DDX6: variants seen among roughly 807,000 people sequenced by gnomAD.
The protein encoded by DDX6 is DEAD-box helicase 6.
Under a neutral mutation model 60.6 loss-of-function variants are expected in DDX6, and 7 were observed. The ratio of observed to expected loss-of-function variants is 0.12; its 90% CI spans 0.07 to 0.22. The LOEUF (loss-of-function observed/expected upper bound fraction) is 0.22. Among genes scored for constraint, DDX6 ranks in the 10% least tolerant of loss-of-function variants. DDX6 has a pLI of 1.00. For synonymous variants in DDX6, 207 were observed against 201.0 expected (o/e 1.03, Z -0.25); for missense variants, 270 against 589.9 (o/e 0.46, Z 5.62).
intron 11 of DDX6, among the ~76,000 whole-genome samples, chr11:118,755,948 G>A (rs1193395292): frequency 2.0e-5 from 3 of 151,656 alleles, no homozygotes; most frequent in African/African-American, 2.4e-5. Context: ...AACCCAGGAG[G>A]TGGAGGTTTC....
At position 118,755,399 on chromosome 11, in the gene DDX6, C is replaced by T. The variant is rs1860932354; in HGVS notation, c.1276+3G>A. On this transcript the variant is annotated splice_donor_region_variant and intron_variant, in intron 12 of 13. Coordinates refer to ENST00000534980, the MANE Select transcript of DDX6 (RefSeq NM_004397.6). ...CCAAGAATATCACCTCTTTTTTCCT[C>T]ACCTGATCTTCCAATACGATGGAGA... 6.3e-7 allele frequency: 1 copy of T among 1,581,894 alleles called. No homozygotes were observed. The highest frequency in any genetic ancestry group is 2.2e-5 in the East Asian group (1 of 44,678).
rs1860758072 is a variant in DDX6, at chr11:118,751,250, T to A, written c.*855A>T. The A allele has an allele frequency of 6.6e-6, 1 of 152,240 alleles. No individual in the cohort carries two copies. Among genetic ancestry groups the A allele is most frequent in the South Asian group, 2.1e-4 (1 of 4,832 alleles). 9.4% of individuals were successfully genotyped at this position (152,240 alleles called of 1,614,324 possible). The stretch of plus-strand genomic sequence containing the variant: ...CATATGTAACCCAGTCTTTAGTGTC[T>A]GCTATAGAGCACAAAGGCTTGTCAT... On this transcript the variant is annotated 3_prime_UTR_variant, in exon 14 of 14. Transcript: ENST00000534980.
At chr11:118,779,554 C>T in intron 4 of DDX6, 78 bp downstream of exon 4, 1 of 883,110 alleles carries the variant, frequency 1.1e-6, no homozygotes, top group Non-Finnish European at 1.8e-6. Context: ...TTCACTGTAT[C>T]ACTTCTGCAG....
intron 8 of DDX6, 26 bp downstream of exon 8, chr11:118,759,896 G>T: frequency 1.2e-6 from 2 of 1,603,634 alleles, no homozygotes; most frequent in South Asian, 1.1e-5. Flanking sequence ...GGATGGCACT[G>T]ATTCCAAGTA....
rs896413700 is a variant in DDX6, at chr11:118,748,659, T to A, written c.*3446A>T. On this transcript the variant is annotated 3_prime_UTR_variant, in exon 14 of 14. Transcript: ENST00000534980. ...GAGTGTGGCTAAAGGCAGTTTCTGA[T>A]GAGGTTATGAGCTTCCAAAGTGTTT... 1 of 152,170 alleles carries A rather than the reference T, an allele frequency of 6.6e-6. No homozygotes were observed. The highest frequency in any genetic ancestry group is 1.5e-5 in the Non-Finnish European group (1 of 68,036). 9.4% of individuals were successfully genotyped at this position (152,170 alleles called of 1,614,324 possible). A position where few individuals can be genotyped will look rare whatever the true frequency, so the allele number is the denominator to read the frequency against.
chr11:118,767,930 A>G (rs1861410896), intron 5 of DDX6: 1 of 224,614 alleles, frequency 4.5e-6, no homozygotes, highest in Non-Finnish European at 8.8e-6. Flanking sequence ...CACCGTGCCC[A>G]GCCTCAGCTT....
At chr11:118,777,963 G>A (rs1158641682) in intron 4 of DDX6, among the ~76,000 whole-genome samples, 1 of 146,144 alleles carries the variant, frequency 6.8e-6, no homozygotes, top group Non-Finnish European at 1.5e-5. Context: ...TAAAAACATA[G>A]GAACCAGGCT....
chr11:118,761,227 T>G (rs1419956450), intron 7 of DDX6, among the ~76,000 whole-genome samples: 3 of 152,240 alleles, frequency 2.0e-5, no homozygotes, highest in Non-Finnish European at 4.4e-5. Flanking sequence ...GTTACAGAAC[T>G]ACTCTGTACT....
intron 4 of DDX6, among the ~76,000 whole-genome samples, chr11:118,770,060 C>T (rs1378333245): frequency 6.6e-6 from 1 of 150,894 alleles, no homozygotes; most frequent in Non-Finnish European, 1.5e-5. Context: ...GAGTTTCGCT[C>T]TTGTCACTCA....
chr11:118,769,906 C>T (rs1031013171), intron 4 of DDX6, among the ~76,000 whole-genome samples: 7 of 151,996 alleles, frequency 4.6e-5, no homozygotes, highest in Non-Finnish European at 1.0e-4. Context: ...GACGGGGTTT[C>T]ACCGTGTTAG....
In DDX6 at chr11:118,754,826, C is replaced by T. The variant is rs577106072; in HGVS notation, c.1338G>A (p.Leu446=). 1.2e-6 allele frequency: 2 copies of T among 1,613,868 alleles called. No individual in the cohort carries two copies. The highest frequency in any genetic ancestry group is 2.2e-5 in the South Asian group (2 of 91,058). Residue 446 remains leucine (L), a synonymous_variant, in exon 13 of 14, where the codon CTG becomes CTA. Coordinates refer to ENST00000534980, the MANE Select transcript of DDX6 (RefSeq NM_004397.6). ...NLITYDDRFN[L]KSIEEQLGTE... ...TTCCCAGCTGCTCCTCAATACTTTT[C>T]AGGTTGAAGCGATCATCATATGTGA...
chr11:118,760,090 C>A, intron 7 of DDX6, 46 bp from the exon 8 acceptor site: 1 of 1,577,034 alleles, frequency 6.3e-7, no homozygotes, highest in South Asian at 1.1e-5. Context: ...AAAATAATGT[C>A]TAAGGTCTTG....
At chr11:118,759,886 G>C in intron 8 of DDX6, 36 bp downstream of exon 8, 1 of 1,599,542 alleles carries the variant, frequency 6.3e-7, no homozygotes, top group East Asian at 2.2e-5. Flanking sequence ...AAAGGTCACA[G>C]GATGGCACTG....
intron 2 of DDX6, among the ~76,000 whole-genome samples, chr11:118,783,056 T>G (rs886431342): frequency 6.6e-6 from 1 of 151,090 alleles, no homozygotes; most frequent in Non-Finnish European, 1.5e-5. Flanking sequence ...CACAAGAAAT[T>G]TATAATCTTA....
In DDX6 at chr11:118,786,001, C is replaced by T. The variant is rs1862061633; in HGVS notation, c.200+51G>A. On this transcript the variant is annotated intron_variant, in intron 2 of 13. Coordinates refer to ENST00000534980, the MANE Select transcript of DDX6 (RefSeq NM_004397.6). Reference sequence around the variant, plus strand: ...ATTAATAGTCAACACCAAAGTAACACAAATCTTGGTTCCCCACAAGTGTTT... The same window carrying T: ...ATTAATAGTCAACACCAAAGTAACATAAATCTTGGTTCCCCACAAGTGTTT... The T allele has an allele frequency of 3.9e-6, 6 of 1,552,446 alleles. No homozygotes were observed. In the Admixed American group the frequency reaches 1.1e-4, roughly 28 times the overall value.
chr11:118,768,385 T>A (rs1555161714), intron 4 of DDX6, 33 bp from the exon 5 acceptor site: 1 of 1,608,556 alleles, frequency 6.2e-7, no homozygotes, highest in Non-Finnish European at 8.5e-7. Context: ...AAATTACTTC[T>A]GAATGTAGTA....
In DDX6 at chr11:118,749,338, A is replaced by G. The variant is rs1860667852; in HGVS notation, c.*2767T>C. On this transcript the variant is annotated 3_prime_UTR_variant, in exon 14 of 14. Transcript: ENST00000534980. ...ACTTCCAATAGTAACAATGCTTATT[A>G]TGAGGGCCCAAAAAAGAAAGAAAAA... 1 of 132,592 alleles carries G rather than the reference A, an allele frequency of 7.5e-6. No individual in the cohort carries two copies. Among genetic ancestry groups the G allele is most frequent in the African/African-American group, 2.8e-5 (1 of 36,218 alleles). The allele number at this position is 132,592 out of a possible 1,614,324, so 8.2% of individuals were successfully genotyped here.
At chr11:118,775,143 C>T (rs1485575554) in intron 4 of DDX6, among the ~76,000 whole-genome samples, 4 of 152,122 alleles carry the variant, frequency 2.6e-5, no homozygotes. Context: ...GGTGAAACCC[C>T]GTCTCCACCA....
At chr11:118,785,900 G>A (rs999890829) in intron 2 of DDX6, 152 bp downstream of exon 2, 1 of 629,670 alleles carries the variant, frequency 1.6e-6, no homozygotes, top group East Asian at 3.0e-5. Context: ...TTATTCTATT[G>A]CAAATACCTA....
Sources: gnomAD v4.1 joint callset for allele counts (sites outside exome capture counted in the v4.1 genomes callset) on GRCh38, gnomAD v4.1.1 for gene constraint, MANE v1.5 for transcripts, NCBI Gene and HGNC (gene_info 2026-07-23, HGNC 2026-07-21) for gene names.